PDE10A: variants seen among roughly 807,000 people sequenced by gnomAD.
The protein encoded by PDE10A is phosphodiesterase 10A.
A neutral mutation model predicts 97.7 loss-of-function variants in PDE10A; 39 were observed. That is an observed-to-expected ratio of 0.40 (90% CI 0.31 to 0.52). The LOEUF is 0.52. PDE10A is among the 20% of genes least tolerant of loss of function. The pLI is 0.56. For missense variants in PDE10A, 731 were observed against 1,047.8 expected (o/e 0.70, Z 4.17); for synonymous variants, 371 against 376.8 (o/e 0.98, Z 0.18).
chr6:165,444,333 G>T (rs1313466345), intron 5 of PDE10A, among the ~76,000 whole-genome samples: 1 of 152,112 alleles, frequency 6.6e-6, no homozygotes, highest in Non-Finnish European at 1.5e-5. Context: ...TAAAGTTAGG[G>T]TCTAGCCCAG....
At chr6:165,883,777 C>T (rs561242638) in intron 1 of PDE10A, among the ~76,000 whole-genome samples, 5 of 152,060 alleles carry the variant, frequency 3.3e-5, no homozygotes, top group Admixed American at 2.0e-4. Flanking sequence ...ATCCCAGCTT[C>T]GGTGTTGAAC....
At position 165,388,476 on chromosome 6, in the gene PDE10A, G is replaced by A. The variant is rs1258650972; in HGVS notation, c.2455-23C>T. 1 of 1,611,282 alleles carries A rather than the reference G, an allele frequency of 6.2e-7. No individual in the cohort carries two copies. The highest frequency in any genetic ancestry group is 1.3e-5 in the African/African-American group (1 of 74,872). On this transcript the variant is annotated intron_variant, in intron 16 of 21. Coordinates refer to ENST00000539869, the MANE Select transcript of PDE10A (RefSeq NM_001385079.1). The surrounding 1 kb of genome is among the most constrained non-coding windows in gnomAD (Gnocchi z 4.0). ...GCGCTTTAAAAAATAATATGATGCA[G>A]AGATGCTCAAAACACAGAAACACAC... is the stretch of plus-strand genomic sequence containing the variant.
intron 1 of PDE10A, among the ~76,000 whole-genome samples, chr6:165,816,159 C>T (rs1265512055): frequency 6.6e-6 from 1 of 152,078 alleles, no homozygotes; most frequent in Non-Finnish European, 1.5e-5. Flanking sequence ...CCGTGTTAGC[C>T]AGGATGCTCT....
rs147872089 is a variant in PDE10A at position 165,710,643 on chromosome 6, TA to T, written c.-614-167076del. Among the ~76,000 whole-genome samples, 376 of 152,340 alleles carry T rather than the reference TA, an allele frequency of 2.5e-3. 2 individuals carry two copies. The highest frequency in any genetic ancestry group is 8.7e-3 in the African/African-American group (360 of 41,588). On this transcript the variant is annotated intron_variant, in intron 1 of 19. Coordinates refer to the PDE10A transcript ENST00000366882. The stretch of plus-strand genomic sequence containing the variant: ...AATCAGGAGCTTTTGGTGGGGTTCT[TA>T]AGTTTAGCAATAAAAGTCATCAGAT...
intron 1 of PDE10A, among the ~76,000 whole-genome samples, chr6:165,577,415 A>G (rs1785366639): frequency 6.6e-6 from 1 of 152,028 alleles, no homozygotes; most frequent in South Asian, 2.1e-4. Flanking sequence ...AGCACGCAAC[A>G]CTCCATGCTC....
At chr6:165,427,765 A>G (rs990830183) in intron 10 of PDE10A, among the ~76,000 whole-genome samples, 1 of 152,012 alleles carries the variant, frequency 6.6e-6, no homozygotes, top group Admixed American at 6.6e-5. Flanking sequence ...ATAACTTTAT[A>G]TTTTTCTTAA....
intron 13 of PDE10A, among the ~76,000 whole-genome samples, chr6:165,409,862 G>A (rs956972369): frequency 1.7e-4 from 26 of 149,758 alleles, no homozygotes; most frequent in African/African-American, 5.7e-4. Context: ...ATGTAAAAAT[G>A]GAATGCCTAT....
Position 165,392,633 on chromosome 6 carries a change from A to C in PDE10A, c.2454+13T>G, listed in dbSNP as rs182210230. 13 of 1,609,572 alleles carry C rather than the reference A, an allele frequency of 8.1e-6. No individual in the cohort carries two copies. The highest frequency in any genetic ancestry group is 1.1e-5 in the Non-Finnish European group (13 of 1,176,038). Reference sequence around the variant, plus strand: ...GAGGTTACGAGAAACAGAGGTAAAGAGTGCACACCCACCTCAAGGTCTGTG... The same window carrying C: ...GAGGTTACGAGAAACAGAGGTAAAGCGTGCACACCCACCTCAAGGTCTGTG... On this transcript the variant is annotated intron_variant, in intron 16 of 21. Coordinates refer to ENST00000539869, the MANE Select transcript of PDE10A (RefSeq NM_001385079.1).
chr6:165,478,717 G>C (rs1174604448), intron 3 of PDE10A, among the ~76,000 whole-genome samples: 1 of 152,142 alleles, frequency 6.6e-6, no homozygotes, highest in Non-Finnish European at 1.5e-5. Flanking sequence ...TCTGATCCAG[G>C]AGAGTCTAAG....
intron 1 of PDE10A, among the ~76,000 whole-genome samples, chr6:165,575,876 T>C (rs1785277301): frequency 1.3e-5 from 2 of 152,134 alleles, no homozygotes. Context: ...CAGATATTGT[T>C]ACTGGAGACT....
At chr6:165,651,653 T>C (rs1789692319) in intron 1 of PDE10A, among the ~76,000 whole-genome samples, 1 of 152,058 alleles carries the variant, frequency 6.6e-6, no homozygotes, top group South Asian at 2.1e-4. Flanking sequence ...CTTATCAATC[T>C]TTTCTTTACT....
At chr6:165,404,868 A>AAACAG (rs1448901924) in intron 13 of PDE10A, among the ~76,000 whole-genome samples, 31 of 152,142 alleles carry the variant, frequency 2.0e-4, no homozygotes, top group Admixed American at 1.1e-3. Flanking sequence ...AAACAAAACA[A>AAACAG]AACAAAAACC....
intron 1 of PDE10A, among the ~76,000 whole-genome samples, chr6:165,686,061 G>GA (rs1412991868): frequency 6.6e-6 from 1 of 151,844 alleles, no homozygotes; most frequent in Non-Finnish European, 1.5e-5. Context: ...GAGATGGGTT[G>GA]AAAATCACTG....
At chr6:165,911,072 G>A (rs1124620) in intron 1 of PDE10A, 23,005 of 152,074 alleles carry the variant, frequency 0.15, 1,954 homozygotes, top group East Asian at 0.27. Context: ...GACTAATCCC[G>A]GGCTATGACA....
rs77837608 is a variant in PDE10A, at chr6:165,903,896, A to G, written c.-615+83633T>C. The stretch of plus-strand genomic sequence containing the variant: ...TGGAAAAGAAGAGGGCATCAAGAAG[A>G]GGGCAGAGAAATGGCCAATGGATTT... On this transcript the variant is annotated intron_variant, in intron 1 of 19. Coordinates refer to the PDE10A transcript ENST00000366882. Among the ~76,000 whole-genome samples, 43 of 152,324 alleles carry G rather than the reference A, an allele frequency of 2.8e-4. No homozygotes were observed. The East Asian group carries it at 7.3e-3, about 26-fold the overall frequency.
At chr6:165,544,694 T>C (rs557629421) in intron 1 of PDE10A, among the ~76,000 whole-genome samples, 56 of 152,030 alleles carry the variant, frequency 3.7e-4, no homozygotes, top group African/African-American at 1.3e-3. Context: ...AAGCAGAGAA[T>C]TCATATGTGT....
At chr6:165,927,673 T>TATAC (rs1444182643) in intron 1 of PDE10A, among the ~76,000 whole-genome samples, 1 of 128,882 alleles carries the variant, frequency 7.8e-6, no homozygotes, top group East Asian at 2.2e-4. Flanking sequence ...TATATATATA[T>TATAC]ATATAGTTTT....
intron 1 of PDE10A, among the ~76,000 whole-genome samples, chr6:165,804,842 G>GCTC (rs1779077297): frequency 6.6e-6 from 1 of 151,864 alleles, no homozygotes; most frequent in Non-Finnish European, 1.5e-5. Flanking sequence ...GACAGCTGCA[G>GCTC]CTCCGAAGCT....
intron 2 of PDE10A, among the ~76,000 whole-genome samples, chr6:165,500,797 G>C (rs565286429): frequency 7.2e-5 from 11 of 151,992 alleles, no homozygotes; most frequent in African/African-American, 9.7e-5. Context: ...AGAATGTCTC[G>C]GTGTAAAACC....
Sources: allele counts gnomAD v4.1 joint callset (sites outside exome capture counted in the v4.1 genomes callset), GRCh38; gene constraint gnomAD v4.1.1; non-coding constraint Gnocchi (gnomAD v3.1); transcripts MANE v1.5; gene names NCBI Gene and HGNC (gene_info 2026-07-23, HGNC 2026-07-21).